ROBO2: variants seen among roughly 807,000 people sequenced by gnomAD.
ROBO2 encodes roundabout guidance receptor 2, also known as roundabout homolog 2.
In ROBO2, 53 loss-of-function variants were observed where a neutral mutation model predicts 160.8. The ratio of observed to expected loss-of-function variants is 0.33; its 90% CI spans 0.26 to 0.41. ROBO2 has a LOEUF of 0.41. ROBO2 is among the 10% of genes least tolerant of loss of function. The pLI, the probability that ROBO2 is intolerant of heterozygous loss-of-function variation, is 1.00. For synonymous variants in ROBO2, 664 were observed against 611.7 expected, an observed-to-expected ratio of 1.09 and a Z score of -1.26; for missense variants, 1,577 against 1,722.4, an observed-to-expected ratio of 0.92 and a Z score of 1.49.
intron 2 of ROBO2, among the ~76,000 whole-genome samples, chr3:76,846,186 A>G (rs2068758416): frequency 6.6e-6 from 1 of 152,164 alleles, no homozygotes; most frequent in African/African-American, 2.4e-5. Context: ...CATGTCTGTC[A>G]TTCTGTCATA....
At chr3:76,269,705 A>G (rs552197398) in intron 2 of ROBO2, among the ~76,000 whole-genome samples, 51 of 152,174 alleles carry the variant, frequency 3.4e-4, no homozygotes, top group African/African-American at 1.2e-3. Flanking sequence ...ACATTTTTGT[A>G]AAGGCCAGGG....
intron 2 of ROBO2, among the ~76,000 whole-genome samples, chr3:76,443,824 A>C (rs1010156366): frequency 6.6e-6 from 1 of 152,216 alleles, no homozygotes; most frequent in Non-Finnish European, 1.5e-5. Flanking sequence ...CTTGTTGAGT[A>C]GAAATTTGAA....
At chr3:77,366,797 T>C (rs940162894) in intron 2 of ROBO2, among the ~76,000 whole-genome samples, 1 of 144,716 alleles carries the variant, frequency 6.9e-6, no homozygotes, top group South Asian at 2.1e-4. Context: ...GAGAGAGAGA[T>C]ACAGAGAGAT....
chr3:77,532,815 T>C (rs553040990), intron 6 of ROBO2, among the ~76,000 whole-genome samples: 2 of 152,092 alleles, frequency 1.3e-5, no homozygotes, highest in South Asian at 4.1e-4. Context: ...TTTTCGTTTT[T>C]AAAAGAGAGA....
At chr3:76,123,881 C>G (rs1280702863) in intron 2 of ROBO2, among the ~76,000 whole-genome samples, 2 of 152,056 alleles carry the variant, frequency 1.3e-5, no homozygotes, top group Non-Finnish European at 2.9e-5. Flanking sequence ...AATGACCTGG[C>G]TTTTTCCCCT....
At chr3:75,913,197 T>A (rs1258934829) in intron 1 of ROBO2, among the ~76,000 whole-genome samples, 1 of 152,186 alleles carries the variant, frequency 6.6e-6, no homozygotes. Context: ...CTCCGCATTG[T>A]CTCCTCCTTT....
At chr3:77,038,523 CTT>C (rs2063769127), upstream of ROBO2, among the ~76,000 whole-genome samples, 1 of 152,136 alleles carries the variant, frequency 6.6e-6, no homozygotes, top group African/African-American at 2.4e-5. Context: ...AACAAAGGCT[CTT>C]CCTCAGACGG....
chr3:77,387,071 A>G (rs1036135554), intron 2 of ROBO2, among the ~76,000 whole-genome samples: 3 of 152,048 alleles, frequency 2.0e-5, no homozygotes, highest in Non-Finnish European at 4.4e-5. Context: ...GTTAGAGTGA[A>G]ATCTTCAGCC....
At chr3:76,683,463 G>GAAAA (rs5850282) in intron 2 of ROBO2, among the ~76,000 whole-genome samples, 11 of 117,684 alleles carry the variant, frequency 9.3e-5, no homozygotes, top group African/African-American at 3.3e-4. Flanking sequence ...AACCCCCACC[G>GAAAA]AAAAAAAAAA....
At chr3:76,030,467 C>G (rs1413035617) in intron 2 of ROBO2, among the ~76,000 whole-genome samples, 2 of 152,136 alleles carry the variant, frequency 1.3e-5, no homozygotes, top group African/African-American at 2.4e-5. Context: ...ATGGTATTGC[C>G]CAGGTTTTCT....
At chr3:76,461,155 T>C (rs928726860) in intron 2 of ROBO2, among the ~76,000 whole-genome samples, 1 of 152,132 alleles carries the variant, frequency 6.6e-6, no homozygotes, top group Admixed American at 6.6e-5. Flanking sequence ...AGGAAACTTA[T>C]AATCATGGCA....
At chr3:76,636,784 T>C (rs2090357180) in intron 2 of ROBO2, among the ~76,000 whole-genome samples, 1 of 152,118 alleles carries the variant, frequency 6.6e-6, no homozygotes, top group African/African-American at 2.4e-5. Context: ...TAATGTGTTG[T>C]TTATAGATCA....
chr3:76,960,585 A>T (rs4855996), intron 2 of ROBO2, among the ~76,000 whole-genome samples: 1 of 152,000 alleles, frequency 6.6e-6, no homozygotes, highest in Non-Finnish European at 1.5e-5. Context: ...AAAAGAAAAA[A>T]AGAAAGGCAT....
chr3:76,880,455 G>A (rs896691825), intron 2 of ROBO2, among the ~76,000 whole-genome samples: 1 of 152,086 alleles, frequency 6.6e-6, no homozygotes, highest in Non-Finnish European at 1.5e-5. Context: ...GTATAAAAAA[G>A]CATGCTGTCC....
intron 2 of ROBO2, among the ~76,000 whole-genome samples, chr3:77,264,960 G>C (rs2059033804): frequency 1.3e-5 from 2 of 152,154 alleles, no homozygotes; most frequent in South Asian, 4.2e-4. Context: ...TGTTCCTTTA[G>C]AAATACCTTG....
At chr3:76,005,449 C>T (rs750050214) in intron 2 of ROBO2, among the ~76,000 whole-genome samples, 1 of 152,116 alleles carries the variant, frequency 6.6e-6, no homozygotes, top group Non-Finnish European at 1.5e-5. Context: ...AATTGGACTC[C>T]ACTAATGGAG....
chr3:76,761,571 T>A (rs1165281694), intron 2 of ROBO2, among the ~76,000 whole-genome samples: 1 of 151,780 alleles, frequency 6.6e-6, no homozygotes, highest in Non-Finnish European at 1.5e-5. Context: ...TACTTGCCAA[T>A]TTAAATATTA....
intron 17 of ROBO2, among the ~76,000 whole-genome samples, chr3:77,590,634 T>C (rs535876369): frequency 1.3e-4 from 20 of 152,276 alleles, no homozygotes; most frequent in African/African-American, 4.8e-4. Context: ...AAATTGACTG[T>C]GCTGGTCAGT....
chr3:77,207,188 T>C (rs757285317), intron 2 of ROBO2, among the ~76,000 whole-genome samples: 8 of 152,218 alleles, frequency 5.3e-5, no homozygotes, highest in Non-Finnish European at 7.4e-5. Context: ...ACTTACCACT[T>C]ATCTGCTTCT....
Sources: allele counts gnomAD v4.1 joint callset (sites outside exome capture counted in the v4.1 genomes callset), GRCh38; gene constraint gnomAD v4.1.1; transcripts MANE v1.5; gene names NCBI Gene and HGNC (gene_info 2026-07-23, HGNC 2026-07-21).